STARD13: variants seen among roughly 807,000 people sequenced by gnomAD.
STARD13 encodes the protein stAR-related lipid transfer protein 13.
A neutral mutation model predicts 106.4 loss-of-function variants in STARD13; 62 were observed. That is an observed-to-expected ratio of 0.58 (90% CI 0.48 to 0.72). The LOEUF is 0.72. Ranked by LOEUF, STARD13 falls within the 30% of genes least tolerant of loss-of-function variation. The pLI is 0.00. For missense variants in STARD13, 1,387 were observed against 1,424.0 expected (o/e 0.97, Z 0.42); for synonymous variants, 565 against 553.0 (o/e 1.02, Z -0.31).
the STARD13 span, among the ~76,000 whole-genome samples, chr13:33,454,567 A>C: frequency 6.6e-6 from 1 of 152,222 alleles, no homozygotes; most frequent in Non-Finnish European, 1.5e-5. Context: ...AGATACGATA[A>C]CTCAGTGGCC....
chr13:33,572,682 A>G, the STARD13 span, among the ~76,000 whole-genome samples: 5 of 152,076 alleles, frequency 3.3e-5, no homozygotes, highest in Non-Finnish European at 7.4e-5. Flanking sequence ...TTCCACCTCC[A>G]TGGATTCAAC....
intron 1 of STARD13, among the ~76,000 whole-genome samples, chr13:33,190,672 C>T (rs145265619): frequency 7.9e-5 from 12 of 151,582 alleles, no homozygotes; most frequent in African/African-American, 2.4e-4. Flanking sequence ...CTGCAACCTC[C>T]GCCTCCAGGG....
intron 1 of STARD13, among the ~76,000 whole-genome samples, chr13:33,207,972 T>C (rs1164571569): frequency 6.6e-6 from 1 of 152,224 alleles, no homozygotes; most frequent in Non-Finnish European, 1.5e-5. Context: ...ATTGGGAAAT[T>C]CCCTACTTCC....
the STARD13 span, among the ~76,000 whole-genome samples, chr13:33,529,084 T>C: frequency 6.6e-6 from 1 of 152,186 alleles, no homozygotes; most frequent in Admixed American, 6.6e-5. Context: ...AAGCCAGAGA[T>C]CTAACTGTGT....
At chr13:33,506,963 T>G in the STARD13 span, among the ~76,000 whole-genome samples, 1 of 152,022 alleles carries the variant, frequency 6.6e-6, no homozygotes, top group Non-Finnish European at 1.5e-5. Context: ...TAGCCAGGTG[T>G]GGTGGTATGT....
the STARD13 span, among the ~76,000 whole-genome samples, chr13:33,452,679 C>T: frequency 1.3e-5 from 2 of 152,120 alleles, no homozygotes; most frequent in Non-Finnish European, 2.9e-5. Context: ...AGATTCCTTA[C>T]ATATAAAATG....
At chr13:33,252,471 C>T (rs1890136564) in intron 1 of STARD13, among the ~76,000 whole-genome samples, 1 of 152,204 alleles carries the variant, frequency 6.6e-6, no homozygotes, top group Admixed American at 6.5e-5. Context: ...AGGTCCCTCC[C>T]TTCCGCATAC....
chr13:33,318,070 T>C (rs376378895), intron 1 of STARD13, among the ~76,000 whole-genome samples: 1 of 152,196 alleles, frequency 6.6e-6, no homozygotes, highest in Non-Finnish European at 1.5e-5. Context: ...CAATTAAGGC[T>C]AGTGTCCAAT....
At chr13:33,525,404 T>C in the STARD13 span, among the ~76,000 whole-genome samples, 24,050 of 152,086 alleles carry the variant, frequency 0.16, 2,334 homozygotes, top group African/African-American at 0.27. Context: ...AATGGTCTTT[T>C]AAGCCTTATG....
At chr13:33,186,157 TTCC>T in intron 1 of STARD13, 1 of 1,009,268 alleles carries the variant, frequency 9.9e-7, no homozygotes, top group East Asian at 2.7e-5. Context: ...GCCTCCACAC[TTCC>T]TTTCCTCATT....
chr13:33,350,472 C>T, exon 1 of STARD13: 1 of 1,492,822 alleles, frequency 6.7e-7, no homozygotes, highest in South Asian at 1.2e-5. Flanking sequence ...GCGTGGCCCG[C>T]GACTCAGACT....
chr13:33,383,378 CA>C, the STARD13 span, among the ~76,000 whole-genome samples: 7 of 149,454 alleles, frequency 4.7e-5, no homozygotes, highest in African/African-American at 9.8e-5. Flanking sequence ...GACCCTGTGT[CA>C]AAAAAAAAGG....
chr13:33,626,418 A>G, the STARD13 span, among the ~76,000 whole-genome samples: 1 of 152,248 alleles, frequency 6.6e-6, no homozygotes, highest in East Asian at 1.9e-4. Flanking sequence ...GATCAAATGC[A>G]TGGGCTGAAC....
chr13:33,658,522 T>C, the STARD13 span: 1 of 152,248 alleles, frequency 6.6e-6, no homozygotes, highest in Non-Finnish European at 1.5e-5. Flanking sequence ...AAAAGTTAAA[T>C]CACTTGTCAA....
the STARD13 span, among the ~76,000 whole-genome samples, chr13:33,478,922 T>C: frequency 9.5e-4 from 145 of 152,162 alleles, no homozygotes; most frequent in African/African-American, 3.2e-3. Context: ...TCTCAAATAA[T>C]AATAACAATA....
the STARD13 span, among the ~76,000 whole-genome samples, chr13:33,497,686 G>A: frequency 5.7e-4 from 86 of 152,168 alleles, no homozygotes; most frequent in Non-Finnish European, 1.1e-3. Context: ...GTCTTTCCCT[G>A]TCTGTCTAGA....
chr13:33,621,680 C>CAAAAAAAAAAAAAAAAAAAAATCAA, the STARD13 span, among the ~76,000 whole-genome samples: 1 of 82,328 alleles, frequency 1.2e-5, no homozygotes, highest in Non-Finnish European at 2.3e-5. Flanking sequence ...ACTCAGTCTC[C>CAAAAAAAAAAAAAAAAAAAAATCAA]AAAAAAAAAA....
In STARD13 at chr13:33,129,315, G is replaced by A. The variant is rs182858410; in HGVS notation, c.1362C>T (p.Ser454=). ...PRLMASCHRA[S]RVSIYDNVPG... ...GGACATTGTCATAGATACTGACTCG[G>A]CTGGCTCTGTGGCAGGACGCCATGA... is the stretch of plus-strand genomic sequence containing the variant. The change falls in exon 5 of 14, where the codon AGC becomes AGT. Residue 454 remains serine, a synonymous_variant. Coordinates refer to ENST00000336934, the MANE Select transcript of STARD13 (RefSeq NM_178006.4). 5 of 1,614,108 alleles carry A rather than the reference G, an allele frequency of 3.1e-6. No individual in the cohort carries two copies. In the African/African-American group the frequency reaches 5.3e-5, roughly 17 times the overall value.
chr13:33,441,180 A>G, the STARD13 span, among the ~76,000 whole-genome samples: 25 of 152,074 alleles, frequency 1.6e-4, 1 homozygote, highest in Middle Eastern at 6.8e-3. Context: ...CTACTTCCAA[A>G]TGTTGCTTGA....
Sources: allele counts gnomAD v4.1 joint callset (sites outside exome capture counted in the v4.1 genomes callset), GRCh38; gene constraint gnomAD v4.1.1; transcripts MANE v1.5; gene names NCBI Gene and HGNC (gene_info 2026-07-23, HGNC 2026-07-21).